Variants in OGG1 observed in about 807,000 individuals in gnomAD.
The protein encoded by OGG1 is 8-oxoguanine DNA glycosylase.
OGG1 carries 35 observed loss-of-function variants against 42.3 expected under a neutral mutation model. That is an observed-to-expected ratio of 0.83 (90% CI 0.63 to 1.10). The LOEUF is 1.10. Ranked by LOEUF, OGG1 falls within the 50% of genes least tolerant of loss-of-function variation. The pLI is 0.00. For synonymous variants in OGG1, 189 were observed against 179.0 expected (o/e 1.06, Z -0.44); for missense variants, 484 against 446.7 (o/e 1.08, Z -0.75).
chr3:9,771,447 C>T (rs1403565971), downstream of OGG1, among the ~76,000 whole-genome samples: 1 of 152,182 alleles, frequency 6.6e-6, no homozygotes, highest in Non-Finnish European at 1.5e-5. Context: ...TACTCGGGAA[C>T]ATGGGAATAT....
At chr3:9,755,131 A>G (rs1296372879) in intron 4 of OGG1, among the ~76,000 whole-genome samples, 1 of 152,240 alleles carries the variant, frequency 6.6e-6, no homozygotes, top group African/African-American at 2.4e-5. Flanking sequence ...GCTGCTATAT[A>G]TATGCAGCAA....
At chr3:9,764,189 C>T (rs1263013418) in intron 7 of OGG1, among the ~76,000 whole-genome samples, 1 of 152,180 alleles carries the variant, frequency 6.6e-6, no homozygotes, top group African/African-American at 2.4e-5. Context: ...TAGTACTTCC[C>T]TCAAAGAGTT....
intron 3 of OGG1, chr3:9,783,877 G>T: frequency 7.4e-7 from 1 of 1,345,578 alleles, no homozygotes; most frequent in Non-Finnish European, 9.8e-7. Context: ...ATACCCGGTG[G>T]ACTGGCCACT....
chr3:9,751,035 T>G lies in OGG1; in HGVS notation c.228T>G (p.Thr76=), dbSNP rs765272012. ...LTQTEEQLHC[T]VYRGDKSQAS... Reference sequence around the variant, plus strand: ...AGACTGAGGAGCAGCTCCACTGCACTGTGTACCGAGGAGACAAGAGCCAGG... The same window carrying G: ...AGACTGAGGAGCAGCTCCACTGCACGGTGTACCGAGGAGACAAGAGCCAGG... The change falls in exon 2 of 7, where the codon ACT becomes ACG. Residue 76 remains threonine, a synonymous_variant. Coordinates refer to ENST00000344629, the MANE Select transcript of OGG1 (RefSeq NM_002542.6). 3.1e-6 allele frequency: 5 copies of G among 1,613,720 alleles called. No individual in the cohort carries two copies. In the Admixed American group the frequency reaches 6.7e-5, roughly 22 times the overall value.
intron 3 of OGG1, chr3:9,784,325 A>C: frequency 7.2e-7 from 1 of 1,381,816 alleles, no homozygotes; most frequent in Non-Finnish European, 9.7e-7. Flanking sequence ...CCCTTTGGGC[A>C]CCCCCTCTGT....
In OGG1 at chr3:9,751,012, A is replaced by C. The variant is rs775024388; in HGVS notation, c.205A>C (p.Thr69Pro). ...GGATCAAGTATGGACACTGACTCAGACTGAGGAGCAGCTCCACTGCACTGT... is the reference window on the plus strand; with the variant it reads ...GGATCAAGTATGGACACTGACTCAGCCTGAGGAGCAGCTCCACTGCACTGT... ...LADQVWTLTQ[T>P]EEQLHCTVYR... is the part of the protein sequence containing the mutation. The change falls in exon 2 of 7, where the codon ACT becomes CCT. Residue 69 changes from threonine to proline, a missense_variant. Physicochemically the swap from Thr to Pro is conservative, Grantham distance 38. Transcript: ENST00000344629. The C allele has an allele frequency of 6.2e-7, 1 of 1,613,970 alleles. No homozygotes were observed.
chr3:9,767,687 G>T (rs1407548505), downstream of OGG1: 1 of 1,614,152 alleles, frequency 6.2e-7, no homozygotes, highest in Non-Finnish European at 8.5e-7. Flanking sequence ...CATCTCGGAA[G>T]TCGTAGATGT....
downstream of OGG1, chr3:9,760,484 AG>A: frequency 1.7e-6 from 1 of 602,664 alleles, no homozygotes; most frequent in Non-Finnish European, 3.0e-6. Flanking sequence ...GCCAAGCAGA[AG>A]GAAGTACCCA....
At chr3:9,760,552 C>T (rs1189606289), downstream of OGG1, 2 of 1,179,682 alleles carry the variant, frequency 1.7e-6, no homozygotes, top group African/African-American at 3.0e-5. Flanking sequence ...TTGTGTGGTG[C>T]TGGAAAATCC....
chr3:9,759,772 A>C, downstream of OGG1: 1 of 1,614,134 alleles, frequency 6.2e-7, no homozygotes, highest in Non-Finnish European at 8.5e-7. Flanking sequence ...AGACAAAAGC[A>C]AAGATAATGA....
intron 3 of OGG1, chr3:9,787,519 G>T: frequency 9.8e-7 from 1 of 1,022,988 alleles, no homozygotes; most frequent in Non-Finnish European, 1.4e-6. Context: ...ACTCTAGTAA[G>T]GGAGACAGGT....
chr3:9,770,611 C>T (rs766843775), downstream of OGG1, among the ~76,000 whole-genome samples: 1 of 152,078 alleles, frequency 6.6e-6, no homozygotes, highest in Non-Finnish European at 1.5e-5. Flanking sequence ...GAAGTTAAAT[C>T]GGGATCCTGA....
chr3:9,761,782 G>C, downstream of OGG1: 1 of 1,613,400 alleles, frequency 6.2e-7, no homozygotes. Context: ...GGGAAGAGAA[G>C]GGGCAATCAG....
chr3:9,767,791 G>C (rs376111768), downstream of OGG1: 64 of 1,611,462 alleles, frequency 4.0e-5, no homozygotes, highest in Non-Finnish European at 4.8e-5. Context: ...CCTGTAAGGA[G>C]AATGGAAGGA....
In OGG1 at chr3:9,751,962, G is replaced by A. The variant is rs2077324085; in HGVS notation, c.565+13G>A. On this transcript the variant is annotated intron_variant, in intron 3 of 6. Coordinates refer to ENST00000344629, the MANE Select transcript of OGG1 (RefSeq NM_002542.6). ...CAGGCCCTGGCTGGTGAGTAGGTGGGTCCCCTGCCCCCAGGCCTTCCATCA... is the reference window on the plus strand; with the variant it reads ...CAGGCCCTGGCTGGTGAGTAGGTGGATCCCCTGCCCCCAGGCCTTCCATCA... 9 of 1,612,914 alleles carry A rather than the reference G, an allele frequency of 5.6e-6. No individual in the cohort carries two copies. Among genetic ancestry groups the A allele is most frequent in the East Asian group, 4.5e-5 (2 of 44,870 alleles).
chr3:9,761,350 G>C, downstream of OGG1: 1 of 1,070,312 alleles, frequency 9.3e-7, no homozygotes. Flanking sequence ...GTGGAAGGAA[G>C]GGAGGGAGGG....
chr3:9,762,895 A>G (rs375779772), intron 7 of OGG1: 1 of 1,613,340 alleles, frequency 6.2e-7, no homozygotes, highest in Non-Finnish European at 8.5e-7. Context: ...CTAGCTCACC[A>G]CACCCCCTTG....
rs1322857799 is a variant in OGG1, at chr3:9,757,312, G to T, written c.*162G>T. On this transcript the variant is annotated 3_prime_UTR_variant, in exon 7 of 7. Transcript: ENST00000344629. This position sits in a 1 kb window ranked among gnomAD's most constrained non-coding sequence, Gnocchi z 4.5. ...AAGCAGTCAGTTTGCACAACAAGATGGGGTGGGGGATATTGAGGGAGACAG... is the reference window on the plus strand; with the variant it reads ...AAGCAGTCAGTTTGCACAACAAGATTGGGTGGGGGATATTGAGGGAGACAG... 1 of 1,614,156 alleles carries T rather than the reference G, an allele frequency of 6.2e-7. No individual in the cohort carries two copies. The highest frequency in any genetic ancestry group is 8.5e-7 in the Non-Finnish European group (1 of 1,180,024).
downstream of OGG1, among the ~76,000 whole-genome samples, chr3:9,790,655 A>G (rs1159670288): frequency 2.0e-5 from 3 of 152,346 alleles, no homozygotes; most frequent in East Asian, 1.9e-4. Flanking sequence ...TAGCAAATAA[A>G]TAACATCTGA....
Sources: allele counts gnomAD v4.1 joint callset (sites outside exome capture counted in the v4.1 genomes callset), GRCh38; gene constraint gnomAD v4.1.1; non-coding constraint Gnocchi (gnomAD v3.1); transcripts MANE v1.5; gene names NCBI Gene and HGNC (gene_info 2026-07-23, HGNC 2026-07-21).